BRINP3: variants seen among roughly 807,000 people sequenced by gnomAD.
The protein encoded by BRINP3 is BMP/retinoic acid-inducible neural-specific protein 3.
BRINP3 carries 19 observed loss-of-function variants against 71.0 expected under a neutral mutation model. The ratio of observed to expected loss-of-function variants is 0.27; its 90% CI spans 0.19 to 0.39. The LOEUF is 0.39. Ranked by LOEUF, BRINP3 falls within the 10% of genes least tolerant of loss-of-function variation. The probability of loss-of-function intolerance (pLI) is 1.00; values close to 1 mark genes in which losing one functional copy is unlikely to be tolerated. For synonymous variants in BRINP3, 380 were observed against 337.7 expected (o/e 1.13, Z -1.37); for missense variants, 959 against 940.8 (o/e 1.02, Z -0.25).
intron 2 of BRINP3, among the ~76,000 whole-genome samples, chr1:190,416,577 C>T (rs990356846): frequency 1.3e-5 from 2 of 152,066 alleles, no homozygotes; most frequent in African/African-American, 4.8e-5. Flanking sequence ...TAGTAGGTGT[C>T]CACAGACTTT....
chr1:190,302,347 T>C (rs773087825), intron 2 of BRINP3, among the ~76,000 whole-genome samples: 1 of 149,894 alleles, frequency 6.7e-6, no homozygotes, highest in Non-Finnish European at 1.5e-5. Flanking sequence ...ACTCTAAATG[T>C]ATCACACTGT....
chr1:190,226,112 T>G lies in BRINP3; in HGVS notation c.931A>C (p.Lys311Gln). Residue 311 changes from lysine to glutamine, a missense_variant, in exon 6 of 8, where the codon AAA becomes CAA. By Grantham distance (53) the Lys-to-Gln change is moderately conservative (BLOSUM62 1). Coordinates refer to ENST00000367462, the MANE Select transcript of BRINP3 (RefSeq NM_199051.3). ...TCCTCAAAGTCACTGTTGTAAGCTTTCCAGGTTTCAGTTATTCGAAGAAGA... is the reference window on the plus strand; with the variant it reads ...TCCTCAAAGTCACTGTTGTAAGCTTGCCAGGTTTCAGTTATTCGAAGAAGA... ...ENLLRITETW[K>Q]AYNSDFEESD... is the part of the protein sequence containing the mutation. The G allele has an allele frequency of 6.2e-7, 1 of 1,605,928 alleles. No individual in the cohort carries two copies.
At chr1:190,184,804 G>T (rs1010760267) in intron 6 of BRINP3, among the ~76,000 whole-genome samples, 3 of 151,952 alleles carry the variant, frequency 2.0e-5, no homozygotes, top group Admixed American at 1.3e-4. Context: ...CACTACCTGG[G>T]TGATGGGATC....
intron 7 of BRINP3, among the ~76,000 whole-genome samples, chr1:190,139,947 C>T (rs920766051): frequency 2.0e-5 from 3 of 151,860 alleles, no homozygotes; most frequent in Admixed American, 6.6e-5. Flanking sequence ...CAAACGTAAG[C>T]GAATAAATAC....
chr1:190,352,352 G>C (rs1363042252), intron 2 of BRINP3, among the ~76,000 whole-genome samples: 1 of 151,996 alleles, frequency 6.6e-6, no homozygotes, highest in Non-Finnish European at 1.5e-5. Flanking sequence ...CTACTTTTGA[G>C]TTTCAAATGC....
chr1:190,139,277 C>T (rs1655228246), intron 7 of BRINP3, among the ~76,000 whole-genome samples: 1 of 151,326 alleles, frequency 6.6e-6, no homozygotes, highest in African/African-American at 2.4e-5. Flanking sequence ...GTGAAACCCC[C>T]TCTGTCTCTA....
intron 4 of BRINP3, among the ~76,000 whole-genome samples, chr1:190,256,870 G>T (rs555272587): frequency 6.6e-6 from 1 of 152,240 alleles, no homozygotes; most frequent in East Asian, 1.9e-4. Context: ...TTAGTCTGAC[G>T]TGCTACCCTT....
chr1:190,349,350 A>T (rs771649988), intron 2 of BRINP3, among the ~76,000 whole-genome samples: 4 of 152,116 alleles, frequency 2.6e-5, no homozygotes, highest in African/African-American at 7.2e-5. Context: ...GTGGAGAGTG[A>T]GTCAGTAGGG....
chr1:190,453,130 CATA>C (rs1337143781), intron 2 of BRINP3, among the ~76,000 whole-genome samples: 3 of 143,492 alleles, frequency 2.1e-5, no homozygotes, highest in African/African-American at 7.6e-5. Context: ...AATAAACACA[CATA>C]AAAATAAATG....
At chr1:190,303,899 T>TA (rs944489120) in intron 2 of BRINP3, among the ~76,000 whole-genome samples, 60 of 151,894 alleles carry the variant, frequency 4.0e-4, no homozygotes, top group African/African-American at 1.4e-3. Flanking sequence ...GATGGTTTAA[T>TA]AAAAAATTTA....
chr1:190,412,705 G>A (rs1301751573), intron 2 of BRINP3, among the ~76,000 whole-genome samples: 4 of 151,396 alleles, frequency 2.6e-5, no homozygotes, highest in South Asian at 2.1e-4. Context: ...CTCGTGATCC[G>A]CCCGCCTCGG....
At chr1:190,190,431 ATC>A (rs944505067) in intron 6 of BRINP3, among the ~76,000 whole-genome samples, 1 of 152,004 alleles carries the variant, frequency 6.6e-6, no homozygotes, top group African/African-American at 2.4e-5. Context: ...AGGTACTATG[ATC>A]TCTCATTTGG....
intron 5 of BRINP3, among the ~76,000 whole-genome samples, chr1:190,228,405 G>A (rs995376721): frequency 1.3e-5 from 2 of 151,314 alleles, no homozygotes; most frequent in South Asian, 2.1e-4. Flanking sequence ...CAAAGAACTC[G>A]CGTACCATTT....
At chr1:190,404,239 T>C (rs1672120125) in intron 2 of BRINP3, among the ~76,000 whole-genome samples, 1 of 152,106 alleles carries the variant, frequency 6.6e-6, no homozygotes, top group Non-Finnish European at 1.5e-5. Flanking sequence ...ACTCATACTA[T>C]CAGTACACCT....
chr1:190,257,654 G>A (rs1660789567), intron 4 of BRINP3, among the ~76,000 whole-genome samples: 1 of 152,128 alleles, frequency 6.6e-6, no homozygotes, highest in Non-Finnish European at 1.5e-5. Context: ...CCTACAGATG[G>A]GGTTTTGGTG....
chr1:190,200,225 T>C (rs1286613578), intron 6 of BRINP3, among the ~76,000 whole-genome samples: 1 of 152,132 alleles, frequency 6.6e-6, no homozygotes, highest in Non-Finnish European at 1.5e-5. Context: ...ATAACTCTTA[T>C]GGCTACTAGC....
chr1:190,210,404 A>C (rs1655882542), intron 6 of BRINP3, among the ~76,000 whole-genome samples: 1 of 152,230 alleles, frequency 6.6e-6, no homozygotes, highest in East Asian at 1.9e-4. Flanking sequence ...CAAAGACTTT[A>C]ATGTTTTTCA....
At chr1:190,110,757 C>T (rs1394174880) in intron 7 of BRINP3, among the ~76,000 whole-genome samples, 4 of 152,000 alleles carry the variant, frequency 2.6e-5, no homozygotes, top group Non-Finnish European at 2.9e-5. Context: ...TTTTAGGTTA[C>T]ATCTATATTC....
At chr1:190,386,440 TTAAG>T (rs1355790785) in intron 2 of BRINP3, among the ~76,000 whole-genome samples, 3 of 151,664 alleles carry the variant, frequency 2.0e-5, no homozygotes, top group Admixed American at 6.6e-5. Flanking sequence ...ATATTAATAA[TTAAG>T]TTTTATTATT....
Sources: allele counts gnomAD v4.1 joint callset (sites outside exome capture counted in the v4.1 genomes callset), GRCh38; gene constraint gnomAD v4.1.1; transcripts MANE v1.5; gene names NCBI Gene and HGNC (gene_info 2026-07-23, HGNC 2026-07-21).